The following LIMCH1 variants were observed in gnomAD, a reference collection of about 807,000 sequenced individuals.
LIMCH1 encodes the protein LIM and calponin homology domains-containing protein 1.
A neutral mutation model predicts 176.5 loss-of-function variants in LIMCH1; 113 were observed. The observed-to-expected ratio is 0.64, with a 90% CI of 0.55 to 0.75. LIMCH1 has a LOEUF of 0.75. Ranked by LOEUF, LIMCH1 falls within the 30% of genes least tolerant of loss-of-function variation. LIMCH1 has a pLI of 0.00. For missense variants in LIMCH1, 1,674 were observed against 1,814.9 expected, an observed-to-expected ratio of 0.92 and a Z score of 1.41; for synonymous variants, 619 against 645.9, an observed-to-expected ratio of 0.96 and a Z score of 0.63.
intron 1 of LIMCH1, among the ~76,000 whole-genome samples, chr4:41,568,094 A>C (rs1265623009): frequency 6.6e-6 from 1 of 152,244 alleles, no homozygotes; most frequent in Non-Finnish European, 1.5e-5. Context: ...CAGATGTTGT[A>C]GTGAGCCGAG....
chr4:41,410,043 G>A (rs1035276770), intron 1 of LIMCH1, among the ~76,000 whole-genome samples: 2 of 152,098 alleles, frequency 1.3e-5, no homozygotes, highest in African/African-American at 4.8e-5. Context: ...AGGAATTCCT[G>A]AAAATGGGGT....
At position 41,464,622 on chromosome 4, in the gene LIMCH1, C is replaced by T. The variant is rs200342338; in HGVS notation, c.97-29914C>T. Among the ~76,000 whole-genome samples, 32 of 152,038 alleles carry T rather than the reference C, an allele frequency of 2.1e-4. No individual in the cohort carries two copies. In the East Asian group the frequency reaches 5.3e-3, roughly 25 times the overall value. ...AACTCCTGACCTCGTGATCTGCCCC[C>T]CTCAGCCTCCCAAAGTGCTGGGGTT... On this transcript the variant is annotated intron_variant, in intron 1 of 26. Coordinates refer to the LIMCH1 transcript ENST00000313860.
chr4:41,644,617 A>G lies in LIMCH1; in HGVS notation c.2244A>G (p.Lys748=). ...ACCAGCTGAGGGAAGAGGACGACAA[A>G]TGGCAAGATGTGAGTTGTGGCCAAG... ...INNQLREEDD[K]WQDDLARWKS... Residue 748 remains lysine (K), a synonymous_variant, in exon 15 of 32, where the codon AAA becomes AAG. Coordinates refer to ENST00000503057, the MANE Select transcript of LIMCH1 (RefSeq NM_001330672.2). 6.2e-7 allele frequency: 1 copy of G among 1,611,082 alleles called. No homozygotes were observed. Among genetic ancestry groups the G allele is most frequent in the Non-Finnish European group, 8.5e-7 (1 of 1,178,546 alleles).
intron 1 of LIMCH1, among the ~76,000 whole-genome samples, chr4:41,581,878 T>C (rs2085547130): frequency 6.7e-6 from 1 of 150,142 alleles, no homozygotes; most frequent in Admixed American, 6.7e-5. Context: ...TATCTTTGAG[T>C]CTGGCCTATT....
intron 1 of LIMCH1, among the ~76,000 whole-genome samples, chr4:41,433,220 A>G (rs1348544761): frequency 6.6e-6 from 1 of 152,180 alleles, no homozygotes; most frequent in Non-Finnish European, 1.5e-5. Context: ...ATGAGCGGGC[A>G]TTCTTTTGAA....
At chr4:41,693,304 T>G (rs1371897590) in intron 31 of LIMCH1, 1 of 152,228 alleles carries the variant, frequency 6.6e-6, no homozygotes, top group Non-Finnish European at 1.5e-5. Flanking sequence ...TACATGGATC[T>G]CAAATCTCTG....
chr4:41,530,320 G>C (rs1410262675), intron 3 of LIMCH1, among the ~76,000 whole-genome samples: 1 of 152,060 alleles, frequency 6.6e-6, no homozygotes, highest in Non-Finnish European at 1.5e-5. Context: ...CACTGCTTTG[G>C]GTGTCTAGCT....
intron 1 of LIMCH1, among the ~76,000 whole-genome samples, chr4:41,489,956 A>G (rs1225431023): frequency 6.6e-6 from 1 of 152,194 alleles, no homozygotes; most frequent in Admixed American, 6.5e-5. Context: ...TTAATAAAGT[A>G]AGCTAGAGAA....
At chr4:41,531,719 G>A (rs2077340229) in intron 3 of LIMCH1, among the ~76,000 whole-genome samples, 1 of 152,170 alleles carries the variant, frequency 6.6e-6, no homozygotes, top group African/African-American at 2.4e-5. Flanking sequence ...GGACAACAAA[G>A]ACTCAGAGAC....
intron 1 of LIMCH1, among the ~76,000 whole-genome samples, chr4:41,395,619 T>C (rs2057724240): frequency 2.0e-5 from 3 of 152,208 alleles, no homozygotes; most frequent in South Asian, 4.1e-4. Context: ...TTCTATTAAA[T>C]ACTTCTTGGT....
At chr4:41,430,420 C>T (rs1582042167) in intron 1 of LIMCH1, among the ~76,000 whole-genome samples, 1 of 152,208 alleles carries the variant, frequency 6.6e-6, no homozygotes, top group African/African-American at 2.4e-5. Context: ...CGTGCCACTA[C>T]GCCCGGCTAA....
rs139516178 is a variant in LIMCH1, at chr4:41,545,611, C to G, written c.-241+7261C>G. On this transcript the variant is annotated intron_variant, in intron 1 of 31. Coordinates refer to ENST00000503057, the MANE Select transcript of LIMCH1 (RefSeq NM_001330672.2). ...CCCCAAACAGGCTCCTTTACTCATT[C>G]CTGAAAGGACACTGTTGCAACTTGA... Among the ~76,000 whole-genome samples the G allele has an allele frequency of 8.7e-3, 1,327 of 152,266 alleles. 19 individuals are homozygous for G. The highest frequency in any genetic ancestry group is 0.028 in the African/African-American group (1,175 of 41,540).
At chr4:41,470,251 T>C (rs925170439) in intron 1 of LIMCH1, among the ~76,000 whole-genome samples, 3 of 152,212 alleles carry the variant, frequency 2.0e-5, no homozygotes, top group Non-Finnish European at 2.9e-5. Context: ...AGAGAACTGC[T>C]CATTTCTCAC....
intron 20 of LIMCH1, among the ~76,000 whole-genome samples, chr4:41,663,441 TA>T (rs2094702935): frequency 6.6e-6 from 1 of 152,124 alleles, no homozygotes; most frequent in South Asian, 2.1e-4. Context: ...TGTGTTTGCT[TA>T]TTTGCTTTTT....
chr4:41,592,243 T>G (rs905591914), intron 1 of LIMCH1, among the ~76,000 whole-genome samples: 7 of 152,224 alleles, frequency 4.6e-5, no homozygotes, highest in Non-Finnish European at 1.0e-4. Context: ...ATTCCTACTC[T>G]CCTTCATGTG....
chr4:41,630,808 A>G (rs1208501946), intron 9 of LIMCH1, among the ~76,000 whole-genome samples: 2 of 152,198 alleles, frequency 1.3e-5, no homozygotes, highest in Non-Finnish European at 1.5e-5. Flanking sequence ...ACATCCTCCC[A>G]TATACTTTAA....
chr4:41,619,813 A>C, intron 6 of LIMCH1: 1 of 243,384 alleles, frequency 4.1e-6, no homozygotes, highest in African/African-American at 2.2e-5. Context: ...ATGCAAAAAG[A>C]TGTTTTAAAA....
intron 7 of LIMCH1, among the ~76,000 whole-genome samples, chr4:41,626,274 T>G (rs965323972): frequency 3.3e-5 from 5 of 152,178 alleles, no homozygotes; most frequent in African/African-American, 1.2e-4. Context: ...TGCATTCATT[T>G]GTTTTCCCCC....
At chr4:41,580,598 G>A (rs1444102886) in intron 1 of LIMCH1, among the ~76,000 whole-genome samples, 1 of 151,832 alleles carries the variant, frequency 6.6e-6, no homozygotes, top group Non-Finnish European at 1.5e-5. Flanking sequence ...GAAAAAATAG[G>A]ACAAGTCATT....
Sources: allele counts gnomAD v4.1 joint callset (sites outside exome capture counted in the v4.1 genomes callset), GRCh38; gene constraint gnomAD v4.1.1; transcripts MANE v1.5; gene names NCBI Gene and HGNC (gene_info 2026-07-23, HGNC 2026-07-21).